The following CDH18 variants were observed in gnomAD, a reference collection of about 807,000 sequenced individuals.
CDH18 encodes the protein cadherin 18.
In CDH18, 31 loss-of-function variants were observed where a neutral mutation model predicts 67.9. That is an observed-to-expected ratio of 0.46 (90% CI 0.34 to 0.62). The LOEUF is 0.62. Ranked by LOEUF, CDH18 falls within the 20% of genes least tolerant of loss-of-function variation. CDH18 has a pLI of 0.01. For synonymous variants in CDH18, 362 were observed against 347.2 expected, an observed-to-expected ratio of 1.04 and a Z score of -0.48; for missense variants, 890 against 975.5, an observed-to-expected ratio of 0.91 and a Z score of 1.17.
intron 3 of CDH18, among the ~76,000 whole-genome samples, chr5:19,830,530 A>C (rs565615827): frequency 2.6e-5 from 4 of 152,226 alleles, no homozygotes; most frequent in African/African-American, 7.2e-5. Flanking sequence ...TAAAGTCAAG[A>C]AATAAAAAAT....
rs188650195 is a variant in CDH18, at chr5:20,386,544, C to A, written c.-579-131039G>T. Among the ~76,000 whole-genome samples, 786 of 152,172 alleles carry A rather than the reference C, an allele frequency of 5.2e-3. 5 individuals carry two copies. Among genetic ancestry groups the A allele is most frequent in the South Asian group, 0.026 (127 of 4,830 alleles). On this transcript the variant is annotated intron_variant, in intron 1 of 14. Transcript: ENST00000507958. ...ATAACATTACTAATATATCCACATA[C>A]GCCCCTTACATATGAAAACCGAGGC... is the stretch of plus-strand genomic sequence containing the variant.
At chr5:20,061,984 A>G (rs1742529622) in intron 2 of CDH18, among the ~76,000 whole-genome samples, 1 of 151,996 alleles carries the variant, frequency 6.6e-6, no homozygotes, top group East Asian at 1.9e-4. Flanking sequence ...GCATTACTGA[A>G]TGTTCACTGA....
rs188956489 is a variant in CDH18, at chr5:20,265,333, T to A, written c.-579-9828A>T. 4.6e-5 allele frequency among the ~76,000 whole-genome samples: 7 copies of A among 152,164 alleles called. No individual in the cohort carries two copies. In the East Asian group the frequency reaches 1.4e-3, roughly 29 times the overall value. On this transcript the variant is annotated intron_variant, in intron 1 of 14. Coordinates refer to the CDH18 transcript ENST00000507958. ...AAAGTCCAAAAAAAATTTAATAAAC[T>A]CCTTTTTCCTCTATGAATGCCAAGA... is the stretch of plus-strand genomic sequence containing the variant.
chr5:19,880,160 T>G (rs1787479030), intron 2 of CDH18, among the ~76,000 whole-genome samples: 1 of 151,942 alleles, frequency 6.6e-6, no homozygotes, highest in Admixed American at 6.6e-5. Context: ...TCTATCTCTT[T>G]TCTTTTCTAC....
chr5:20,189,468 C>CTA (rs1193974784), intron 2 of CDH18, among the ~76,000 whole-genome samples: 1 of 152,098 alleles, frequency 6.6e-6, no homozygotes, highest in Non-Finnish European at 1.5e-5. Context: ...ACTCATCACT[C>CTA]TAAGTGATTT....
At position 19,516,994 on chromosome 5, in the gene CDH18, G is replaced by T. The variant is rs138153152; in HGVS notation, c.1512+3663C>A. ...AAAATTTCATATCTCTGTGGGAAAT[G>T]CCCAAAAATGCAGTTCTGAATTTTA... On this transcript the variant is annotated intron_variant, in intron 10 of 12. Transcript: ENST00000382275. Among the ~76,000 whole-genome samples the T allele has an allele frequency of 4.3e-3, 656 of 152,078 alleles. 9 individuals carry two copies. The highest frequency in any genetic ancestry group is 0.015 in the African/African-American group (614 of 41,502).
At chr5:19,496,121 G>C (rs1742285724) in intron 11 of CDH18, among the ~76,000 whole-genome samples, 1 of 152,108 alleles carries the variant, frequency 6.6e-6, no homozygotes, top group Non-Finnish European at 1.5e-5. Context: ...GTTATATCTT[G>C]GTGTTGAACA....
At chr5:19,994,768 G>T (rs1471994438) in intron 2 of CDH18, among the ~76,000 whole-genome samples, 10 of 104,058 alleles carry the variant, frequency 9.6e-5, no homozygotes, top group Non-Finnish European at 5.7e-5. Context: ...GAGAGAGAGA[G>T]AGAGAGAGAG....
intron 2 of CDH18, among the ~76,000 whole-genome samples, chr5:20,221,438 G>C (rs1044470827): frequency 6.6e-6 from 1 of 152,114 alleles, no homozygotes; most frequent in Non-Finnish European, 1.5e-5. Context: ...TGGAAATAGA[G>C]AGTAGAATAA....
intron 1 of CDH18, among the ~76,000 whole-genome samples, chr5:20,412,690 G>A (rs1055366963): frequency 3.9e-5 from 6 of 152,082 alleles, no homozygotes; most frequent in Non-Finnish European, 7.4e-5. Context: ...ACACGAACAC[G>A]TCTCAAAAGA....
intron 1 of CDH18, among the ~76,000 whole-genome samples, chr5:20,268,427 C>T (rs1745204185): frequency 6.6e-6 from 1 of 152,086 alleles, no homozygotes; most frequent in Non-Finnish European, 1.5e-5. Context: ...GGACTTCCTG[C>T]AACTCAATAC....
intron 2 of CDH18, among the ~76,000 whole-genome samples, chr5:20,011,431 T>C (rs1012970715): frequency 1.3e-5 from 2 of 152,160 alleles, no homozygotes; most frequent in Non-Finnish European, 2.9e-5. Flanking sequence ...CTCTTCCTAT[T>C]TGAATGCCCT....
chr5:19,635,932 T>A (rs1753084340), intron 5 of CDH18, among the ~76,000 whole-genome samples: 1 of 152,118 alleles, frequency 6.6e-6, no homozygotes, highest in Non-Finnish European at 1.5e-5. Context: ...ACATGTATAT[T>A]TATTATAGGT....
chr5:19,620,282 C>T (rs1050034955), intron 5 of CDH18, among the ~76,000 whole-genome samples: 5 of 152,146 alleles, frequency 3.3e-5, no homozygotes, highest in Non-Finnish European at 5.9e-5. Flanking sequence ...TAAGGGAATT[C>T]CTTTAGGGTA....
intron 3 of CDH18, among the ~76,000 whole-genome samples, chr5:19,756,365 G>A (rs1046100903): frequency 2.0e-5 from 3 of 152,152 alleles, no homozygotes; most frequent in African/African-American, 7.2e-5. Flanking sequence ...GGTCGTAGCT[G>A]GTATTGATGA....
Position 19,867,908 on chromosome 5 carries a change from G to C in CDH18, c.-256-28666C>G, listed in dbSNP as rs529220660. 6.6e-5 allele frequency among the ~76,000 whole-genome samples: 10 copies of C among 152,258 alleles called. No homozygotes were observed. In the East Asian group the frequency reaches 1.9e-3, roughly 30 times the overall value. On this transcript the variant is annotated intron_variant, in intron 2 of 12. Transcript: ENST00000382275. ...TGGGAGGTAATTGAATCATGGAGGT[G>C]CTTACCCCCATGCTTCTGTTCTAGT...
intron 9 of CDH18, among the ~76,000 whole-genome samples, chr5:19,530,758 C>T (rs921877907): frequency 2.3e-4 from 35 of 152,242 alleles, no homozygotes; most frequent in Non-Finnish European, 3.2e-4. Flanking sequence ...ACAAAGGACA[C>T]GAACTCATCA....
chr5:19,487,624 C>G lies in CDH18; in HGVS notation c.1631-4072G>C, dbSNP rs147885512. Among the ~76,000 whole-genome samples, 1,168 of 152,094 alleles carry G rather than the reference C, an allele frequency of 7.7e-3. 6 individuals are homozygous for G. The highest frequency in any genetic ancestry group is 9.5e-3 in the Non-Finnish European group (644 of 67,976). ...TCCTAGTATTTCCATAAACCATACC[C>G]TTAGTTTAATGCAGAAATAGTGTTG... On this transcript the variant is annotated intron_variant, in intron 11 of 12. Coordinates refer to ENST00000382275, the MANE Select transcript of CDH18 (RefSeq NM_004934.5).
chr5:19,852,552 AG>A (rs1408579875), intron 2 of CDH18, among the ~76,000 whole-genome samples: 2 of 151,982 alleles, frequency 1.3e-5, no homozygotes, highest in African/African-American at 4.8e-5. Context: ...AGTCCTTCTT[AG>A]GTTTCTAAAG....
Sources: gnomAD v4.1 joint callset for allele counts (sites outside exome capture counted in the v4.1 genomes callset) on GRCh38, gnomAD v4.1.1 for gene constraint, MANE v1.5 for transcripts, NCBI Gene and HGNC (gene_info 2026-07-23, HGNC 2026-07-21) for gene names.